SPOCK1: variants seen among roughly 807,000 people sequenced by gnomAD.
The protein encoded by SPOCK1 is testican-1.
Under a neutral mutation model 55.3 loss-of-function variants are expected in SPOCK1, and 23 were observed. The ratio of observed to expected loss-of-function variants is 0.42; its 90% confidence interval spans 0.30 to 0.59. The LOEUF (loss-of-function observed/expected upper bound fraction) is 0.59, where lower values mean the gene tolerates loss of function less well. SPOCK1 is among the 20% of genes least tolerant of loss of function. SPOCK1 has a pLI of 0.22. For synonymous variants in SPOCK1, 226 were observed against 221.0 expected (o/e 1.02, Z -0.20); for missense variants, 499 against 552.5 (o/e 0.90, Z 0.97).
intron 9 of SPOCK1, 64 bp downstream of exon 9, chr5:136,985,076 T>A (rs1750812725): frequency 1.4e-6 from 2 of 1,480,136 alleles, no homozygotes; most frequent in Non-Finnish European, 1.9e-6. Flanking sequence ...GCCATGCTGA[T>A]CATTACAAGG....
intron 5 of SPOCK1, among the ~76,000 whole-genome samples, chr5:137,103,151 C>A (rs927945400): frequency 2.0e-5 from 3 of 152,008 alleles, no homozygotes; most frequent in African/African-American, 7.3e-5. Context: ...CCACCACGCC[C>A]GGCTGACTTT....
intron 3 of SPOCK1, among the ~76,000 whole-genome samples, chr5:137,261,534 C>A (rs1756742706): frequency 6.6e-6 from 1 of 152,182 alleles, no homozygotes; most frequent in African/African-American, 2.4e-5. Flanking sequence ...TTCTTCTATT[C>A]ACGAGAACAG....
chr5:137,357,862 T>A (rs1750850967), intron 2 of SPOCK1, among the ~76,000 whole-genome samples: 2 of 152,164 alleles, frequency 1.3e-5, no homozygotes, highest in Non-Finnish European at 2.9e-5. Flanking sequence ...CTTCTGTTAA[T>A]AATCCACCTT....
chr5:137,228,628 G>T (rs1398480517), intron 3 of SPOCK1, among the ~76,000 whole-genome samples: 1 of 152,172 alleles, frequency 6.6e-6, no homozygotes, highest in Non-Finnish European at 1.5e-5. Context: ...GGGTGACAGA[G>T]AATCTGTCTC....
At chr5:137,341,142 C>A (rs921466917) in intron 2 of SPOCK1, among the ~76,000 whole-genome samples, 5 of 152,240 alleles carry the variant, frequency 3.3e-5, no homozygotes, top group African/African-American at 1.2e-4. Flanking sequence ...ACAGTCTCCC[C>A]AAGGGGGAAC....
intron 2 of SPOCK1, among the ~76,000 whole-genome samples, chr5:137,361,526 A>AAATG (rs1467617329): frequency 6.6e-6 from 1 of 152,234 alleles, no homozygotes; most frequent in African/African-American, 2.4e-5. Flanking sequence ...ACACTAGAGG[A>AAATG]AATGCTTTAT....
At chr5:137,019,390 C>T (rs1439046187) in intron 6 of SPOCK1, among the ~76,000 whole-genome samples, 1 of 152,002 alleles carries the variant, frequency 6.6e-6, no homozygotes, top group Non-Finnish European at 1.5e-5. Context: ...CAGTTTAGTG[C>T]CTTGCTCTTT....
intron 2 of SPOCK1, among the ~76,000 whole-genome samples, chr5:137,444,741 G>A (rs140121414): frequency 6.6e-6 from 1 of 152,320 alleles, no homozygotes; most frequent in East Asian, 1.9e-4. Flanking sequence ...CAAGAATATT[G>A]ACATGAGTGT....
intron 2 of SPOCK1, among the ~76,000 whole-genome samples, chr5:137,294,443 G>GA (rs1757437741): frequency 6.6e-6 from 1 of 152,200 alleles, no homozygotes; most frequent in Non-Finnish European, 1.5e-5. Context: ...GGGCTGGCCA[G>GA]GACACAGTCA....
intron 6 of SPOCK1, among the ~76,000 whole-genome samples, chr5:137,010,530 G>C (rs1467858531): frequency 6.6e-6 from 1 of 152,034 alleles, no homozygotes; most frequent in East Asian, 1.9e-4. Flanking sequence ...CTGGGAGGGT[G>C]ACACTATCAT....
intron 3 of SPOCK1, among the ~76,000 whole-genome samples, chr5:137,201,974 TG>T (rs760203620): frequency 6.6e-6 from 1 of 152,232 alleles, no homozygotes; most frequent in South Asian, 2.1e-4. Context: ...GGCCCAGATG[TG>T]GCACTGGTAC....
chr5:137,421,582 G>T (rs559080791), intron 2 of SPOCK1, among the ~76,000 whole-genome samples: 2 of 152,176 alleles, frequency 1.3e-5, no homozygotes, highest in South Asian at 2.1e-4. Context: ...GATCTTTGTT[G>T]GTTTGAAGTC....
chr5:137,231,432 A>G (rs1252129127), intron 3 of SPOCK1, among the ~76,000 whole-genome samples: 1 of 152,122 alleles, frequency 6.6e-6, no homozygotes, highest in Non-Finnish European at 1.5e-5. Flanking sequence ...GCAACTATCA[A>G]TCTTTTCTCC....
chr5:137,178,734 T>C (rs1332195861), intron 3 of SPOCK1, among the ~76,000 whole-genome samples: 1 of 152,232 alleles, frequency 6.6e-6, no homozygotes, highest in Non-Finnish European at 1.5e-5. Context: ...GAAATGAAGA[T>C]TTGTTCAGAC....
intron 2 of SPOCK1, among the ~76,000 whole-genome samples, chr5:137,339,225 C>T (rs577550554): frequency 1.3e-5 from 2 of 152,362 alleles, no homozygotes; most frequent in Admixed American, 6.5e-5. Flanking sequence ...CTGTCCCCTA[C>T]ATTTAGTCCC....
intron 3 of SPOCK1, among the ~76,000 whole-genome samples, chr5:137,238,502 A>G (rs1245634972): frequency 1.9e-5 from 2 of 103,952 alleles, no homozygotes; most frequent in African/African-American, 4.0e-5. Flanking sequence ...TATGAAGAGC[A>G]AAGCAAAAAA....
chr5:137,072,648 A>G (rs10039903), intron 5 of SPOCK1, among the ~76,000 whole-genome samples: 30,732 of 152,228 alleles, frequency 0.2, 3,442 homozygotes, highest in Non-Finnish European at 0.24. Context: ...CACAGCTAAC[A>G]ACCTCTTTCT....
rs547571570 is a variant in SPOCK1 at position 137,131,769 on chromosome 5, G to C, written c.347+8811C>G. Among the ~76,000 whole-genome samples, 149 of 151,018 alleles carry C rather than the reference G, an allele frequency of 9.9e-4. 4 individuals carry two copies. The Middle Eastern group carries it at 0.021, about 21-fold the overall frequency. The stretch of plus-strand genomic sequence containing the variant: ...GGGCGGATCACGAGGTCAAGAGATC[G>C]AGACCATCCTGGCTAACAGGGTGAA... On this transcript the variant is annotated intron_variant, in intron 4 of 10. Coordinates refer to ENST00000394945, the MANE Select transcript of SPOCK1 (RefSeq NM_004598.4).
intron 6 of SPOCK1, among the ~76,000 whole-genome samples, chr5:137,039,741 C>G (rs1751959311): frequency 2.0e-5 from 3 of 152,216 alleles, no homozygotes. Flanking sequence ...TTAGCTTCTA[C>G]TAAGCCACCA....
Sources: allele counts gnomAD v4.1 joint callset (sites outside exome capture counted in the v4.1 genomes callset), GRCh38; gene constraint gnomAD v4.1.1; transcripts MANE v1.5; gene names NCBI Gene and HGNC (gene_info 2026-07-23, HGNC 2026-07-21).